SEMA5B: variants seen among roughly 807,000 people sequenced by gnomAD.
The protein encoded by SEMA5B is semaphorin 5B, also known as semaphorin-5B.
A neutral mutation model predicts 135.0 loss-of-function variants in SEMA5B; 66 were observed. The ratio of observed to expected loss-of-function variants is 0.49; its 90% CI spans 0.40 to 0.60. The LOEUF (loss-of-function observed/expected upper bound fraction) is 0.60. Among genes scored for constraint, SEMA5B ranks in the 20% least tolerant of loss-of-function variants. The probability of loss-of-function intolerance (pLI) is 0.00; values close to 1 mark genes in which losing one functional copy is unlikely to be tolerated. For synonymous variants in SEMA5B, 690 were observed against 639.5 expected, an observed-to-expected ratio of 1.08 and a Z score of -1.19; for missense variants, 1,501 against 1,566.3, an observed-to-expected ratio of 0.96 and a Z score of 0.70.
intron 7 of SEMA5B, 46 bp from the exon 8 acceptor site, chr3:122,928,049 G>A (rs772235072): frequency 6.6e-6 from 9 of 1,360,764 alleles, no homozygotes; most frequent in Middle Eastern, 2.2e-4. Context: ...GAGGCCCTGG[G>A]GCTGCCTGTT....
At position 122,910,144 on chromosome 3, in the gene SEMA5B, C is replaced by T. The variant is rs1273772140; in HGVS notation, c.3455G>A (p.Ter1152=). The T allele has an allele frequency of 6.2e-7, 1 of 1,613,890 alleles. No homozygotes were observed. The highest frequency in any genetic ancestry group is 1.7e-5 in the Admixed American group (1 of 60,024). ...SPGQRCFPNS[*] Reference sequence around the variant, plus strand: ...GCCCAAGTCCCCAGGACGGCGGTATCAGCTGTTGGGGAAGCACCGTTGTCC... The same window carrying T: ...GCCCAAGTCCCCAGGACGGCGGTATTAGCTGTTGGGGAAGCACCGTTGTCC... The change falls in exon 23 of 23, where the codon TGA becomes TAA. Residue 1152 remains the stop codon, a stop_retained_variant. Transcript: ENST00000357599.
In SEMA5B at chr3:122,961,202, G is replaced by C. The variant is rs1474727836; in HGVS notation, c.62C>G (p.Thr21Ser). The C allele has an allele frequency of 3.1e-6, 5 of 1,613,934 alleles. No individual in the cohort carries two copies. The highest frequency in any genetic ancestry group is 1.3e-5 in the African/African-American group (1 of 75,024). Reference sequence around the variant, plus strand: ...TCCACACCTTAGCTGTTGGGCTGGGGTATCAGGCGGCCCAGGGACGAGGTG... The same window carrying C: ...TCCACACCTTAGCTGTTGGGCTGGGCTATCAGGCGGCCCAGGGACGAGGTG... ...AHHLVPGPPD[T>S]PAQQLRCGWT... The change falls in exon 2 of 23, where the codon ACC becomes AGC. Residue 21 changes from threonine to serine, a missense_variant. Around this residue, in one of 2 missense-constraint regions of SEMA5B, gnomAD observed 574 missense variants for 684.7 expected, o/e 0.84. Coordinates refer to ENST00000357599, the MANE Select transcript of SEMA5B (RefSeq NM_001031702.4).
At chr3:123,020,092 T>C (rs1942643634) in intron 1 of SEMA5B, among the ~76,000 whole-genome samples, 1 of 152,248 alleles carries the variant, frequency 6.6e-6, no homozygotes, top group Non-Finnish European at 1.5e-5. Context: ...AAATCTGTTC[T>C]GAGGAAATAA....
intron 9 of SEMA5B, 146 bp downstream of exon 9, chr3:122,926,246 T>C: frequency 2.6e-6 from 2 of 773,410 alleles, no homozygotes; most frequent in African/African-American, 1.8e-5. Flanking sequence ...AGCTTACCGC[T>C]CCAGAAGCAG....
In SEMA5B at chr3:122,948,694, A is replaced by C. The variant is rs1400369157; in HGVS notation, c.140T>G (p.Leu47Arg). 6.2e-7 allele frequency: 1 copy of C among 1,602,928 alleles called. No individual in the cohort carries two copies. Among genetic ancestry groups the C allele is most frequent in the Middle Eastern group, 1.7e-4 (1 of 6,020 alleles). Residue 47 changes from leucine to arginine, a missense_variant, in exon 3 of 23, where the codon CTG becomes CGG. Transcript: ENST00000357599. ...LSLVRGLLPC[L>R]PPGARTAEGP... ...CTCTGCAGTCCTAGCTCCGGGAGGC[A>C]GACAGGGGAGAAGACCTGCAACGTA... is the stretch of plus-strand genomic sequence containing the variant.
rs1163384866 is a variant in SEMA5B, at chr3:122,912,235, C to T, written c.2833G>A (p.Gly945Ser). The change falls in exon 19 of 23, where the codon GGT (glycine) becomes AGT (serine). Residue 945 changes from glycine (G) to serine (S), a missense_variant. Coordinates refer to ENST00000357599, the MANE Select transcript of SEMA5B (RefSeq NM_001031702.4). ...RSCTSPAPSP[G>S]EDICLGLHTE... ...TGCAGCCCGAGACAGATGTCCTCACCTGGGGAGGGTGCGGGGCTGGTGCAG... is the reference window on the plus strand; with the variant it reads ...TGCAGCCCGAGACAGATGTCCTCACTTGGGGAGGGTGCGGGGCTGGTGCAG... The T allele has an allele frequency of 6.2e-7, 1 of 1,611,962 alleles. No individual in the cohort carries two copies. The highest frequency in any genetic ancestry group is 1.7e-5 in the Admixed American group (1 of 59,808).
chr3:123,001,469 CT>C (rs976795174), intron 1 of SEMA5B, among the ~76,000 whole-genome samples: 45 of 152,172 alleles, frequency 3.0e-4, no homozygotes, highest in Non-Finnish European at 5.6e-4. Flanking sequence ...GTGGAGGAAT[CT>C]TTAAACCTTT....
intron 1 of SEMA5B, chr3:122,993,213 G>A (rs1294992056): frequency 6.6e-6 from 1 of 152,268 alleles, no homozygotes; most frequent in Non-Finnish European, 1.5e-5. Flanking sequence ...GCCTGCCCCC[G>A]AGCATCTCCA....
intron 5 of SEMA5B, among the ~76,000 whole-genome samples, chr3:122,932,242 G>GCTTTTTTTT: frequency 1.8e-5 from 1 of 54,664 alleles, no homozygotes; most frequent in Non-Finnish European, 4.3e-5. Flanking sequence ...CTCTCAATAT[G>GCTTTTTTTT]ATTTTTTTTT....
In SEMA5B at chr3:122,913,346, C is replaced by T. The variant is rs1388067085; in HGVS notation, c.2359G>A (p.Val787Met). 3 of 1,580,774 alleles carry T rather than the reference C, an allele frequency of 1.9e-6. No homozygotes were observed. The highest frequency in any genetic ancestry group is 2.6e-6 in the Non-Finnish European group (3 of 1,170,480). ...TCCTGCCGTGCCCCGCCCTGCGTCACGTTCACGGGCAGCCACGGCGTCCAG... is the reference window on the plus strand; with the variant it reads ...TCCTGCCGTGCCCCGCCCTGCGTCATGTTCACGGGCAGCCACGGCGTCCAG... ...TPWTPWLPVNVTQGGARQEQR... is the reference protein window; with the variant it reads ...TPWTPWLPVNMTQGGARQEQR... Residue 787 changes from valine to methionine, a missense_variant, in exon 17 of 23, where the codon GTG becomes ATG. Coordinates refer to ENST00000357599, the MANE Select transcript of SEMA5B (RefSeq NM_001031702.4).
rs554089000 is a variant in SEMA5B at position 122,951,929 on chromosome 3, G to A, written c.125-3220C>T. 7.2e-5 allele frequency among the ~76,000 whole-genome samples: 11 copies of A among 152,182 alleles called. No homozygotes were observed. The East Asian group carries it at 1.5e-3, about 21-fold the overall frequency. Reference sequence around the variant, plus strand: ...TTTTTTCCTGCCTAAGTTTCTTCACGTGTGTGTGAAATGGAATAATACCCA... The same window carrying A: ...TTTTTTCCTGCCTAAGTTTCTTCACATGTGTGTGAAATGGAATAATACCCA... On this transcript the variant is annotated intron_variant, in intron 2 of 22. Transcript: ENST00000357599.
chr3:122,913,473 C>T (rs772457255), intron 16 of SEMA5B, 49 bp from the exon 17 acceptor site: 2 of 1,566,944 alleles, frequency 1.3e-6, no homozygotes, highest in African/African-American at 1.3e-5. Flanking sequence ...CCTCCAGGCC[C>T]GCCCTCCCCT....
intron 1 of SEMA5B, among the ~76,000 whole-genome samples, chr3:123,007,115 C>T (rs1424883138): frequency 1.3e-5 from 2 of 152,150 alleles, no homozygotes; most frequent in Non-Finnish European, 2.9e-5. Context: ...TGCAAGCCAG[C>T]GTACCCTTGG....
At chr3:123,010,806 C>T (rs141523618) in intron 1 of SEMA5B, among the ~76,000 whole-genome samples, 1,570 of 89,868 alleles carry the variant, frequency 0.017, 32 homozygotes, top group African/African-American at 0.096. Flanking sequence ...GAGTCTCCAT[C>T]TCAAAAAAAA....
chr3:123,015,224 G>A (rs1942530723), intron 1 of SEMA5B, among the ~76,000 whole-genome samples: 1 of 152,218 alleles, frequency 6.6e-6, no homozygotes, highest in Admixed American at 6.5e-5. Flanking sequence ...TCAGTGTGGG[G>A]TGTTTTGTTA....
At chr3:122,921,601 G>A (rs557989045) in intron 12 of SEMA5B, among the ~76,000 whole-genome samples, 4 of 152,356 alleles carry the variant, frequency 2.6e-5, no homozygotes, top group African/African-American at 9.6e-5. Context: ...AAGTGGGCTA[G>A]AGATGGTTGA....
intron 7 of SEMA5B, 34 bp downstream of exon 7, chr3:122,928,483 C>T: frequency 1.3e-6 from 2 of 1,498,144 alleles, no homozygotes; most frequent in Non-Finnish European, 1.8e-6. Flanking sequence ...CGGCATGGTG[C>T]CCCCTTCAGT....
At chr3:122,990,396 A>C (rs1345931592) in intron 1 of SEMA5B, among the ~76,000 whole-genome samples, 1 of 152,194 alleles carries the variant, frequency 6.6e-6, no homozygotes, top group Non-Finnish European at 1.5e-5. Context: ...ACCCAGACTC[A>C]TGGGGCCAAA....
chr3:123,017,898 T>G (rs1202156144), intron 1 of SEMA5B, among the ~76,000 whole-genome samples: 1 of 147,846 alleles, frequency 6.8e-6, no homozygotes, highest in East Asian at 2.0e-4. Context: ...ACAGAGTGAG[T>G]GAGACTCCAT....
Sources: allele counts gnomAD v4.1 joint callset (sites outside exome capture counted in the v4.1 genomes callset), GRCh38; gene constraint gnomAD v4.1.1; regional missense constraint gnomAD v4.1.1; transcripts MANE v1.5; gene names NCBI Gene and HGNC (gene_info 2026-07-23, HGNC 2026-07-21).